Variants in PDE10A observed in about 807,000 individuals in gnomAD.
PDE10A encodes the protein cAMP and cAMP-inhibited cGMP 3',5'-cyclic phosphodiesterase 10A.
In PDE10A, 39 loss-of-function variants were observed where a neutral mutation model predicts 97.7. The observed-to-expected ratio is 0.40, with a 90% CI of 0.31 to 0.52. The LOEUF is 0.52. Ranked by LOEUF, PDE10A falls within the 20% of genes least tolerant of loss-of-function variation. The pLI is 0.56. For missense variants in PDE10A, 731 were observed against 1,047.8 expected (o/e 0.70, Z 4.17); for synonymous variants, 371 against 376.8 (o/e 0.98, Z 0.18).
At chr6:165,677,626 A>G (rs1203104072) in intron 1 of PDE10A, among the ~76,000 whole-genome samples, 5 of 152,234 alleles carry the variant, frequency 3.3e-5, no homozygotes, top group Non-Finnish European at 7.3e-5. Context: ...GAGGATGTGC[A>G]TAGGTTACAT....
At chr6:165,856,976 C>A (rs960486446) in intron 1 of PDE10A, among the ~76,000 whole-genome samples, 43 of 152,254 alleles carry the variant, frequency 2.8e-4, no homozygotes, top group African/African-American at 9.9e-4. Flanking sequence ...AATAAATTAC[C>A]CAGCTGAAAG....
intron 6 of PDE10A, among the ~76,000 whole-genome samples, chr6:165,433,666 G>T (rs1296485873): frequency 6.6e-6 from 1 of 152,098 alleles, no homozygotes. Flanking sequence ...CTTATCATAA[G>T]AAATGAAATT....
At position 165,671,481 on chromosome 6, in the gene PDE10A, G is replaced by A. The variant is rs1400190420; in HGVS notation, c.-614-127913C>T. On this transcript the variant is annotated intron_variant, in intron 1 of 19. Transcript: ENST00000366882. This position sits in a 1 kb window ranked among gnomAD's most constrained non-coding sequence, Gnocchi z 4.6. ...AGGATTGAGGTCCACCCAGGAAGAG[G>A]AAGCCAGCTGCTCATGCTGCCACCT... Among the ~76,000 whole-genome samples the A allele has an allele frequency of 1.3e-5, 2 of 152,114 alleles. No homozygotes were observed. Among genetic ancestry groups the A allele is most frequent in the Admixed American group, 1.3e-4 (2 of 15,274 alleles).
At chr6:165,564,831 TTAAC>T (rs1784696657) in intron 1 of PDE10A, among the ~76,000 whole-genome samples, 1 of 152,168 alleles carries the variant, frequency 6.6e-6, no homozygotes, top group African/African-American at 2.4e-5. Context: ...AAGTGAGAAG[TTAAC>T]TAACTATTCC....
intron 18 of PDE10A, among the ~76,000 whole-genome samples, chr6:165,376,218 T>C (rs1003581372): frequency 2.6e-5 from 4 of 152,222 alleles, no homozygotes; most frequent in Non-Finnish European, 1.5e-5. Context: ...AGAACATTCA[T>C]GATTCACAGG....
chr6:165,820,561 C>G (rs1779539584), intron 1 of PDE10A, among the ~76,000 whole-genome samples: 1 of 152,278 alleles, frequency 6.6e-6, no homozygotes, highest in Middle Eastern at 3.4e-3. Flanking sequence ...CTTAGCACAT[C>G]CTGGAAAGAA....
intron 1 of PDE10A, among the ~76,000 whole-genome samples, chr6:165,967,968 C>A (rs1388025016): frequency 2.0e-5 from 3 of 152,176 alleles, no homozygotes; most frequent in African/African-American, 4.8e-5. Context: ...ATTAAACACA[C>A]ACAGAGCAGC....
intron 1 of PDE10A, among the ~76,000 whole-genome samples, chr6:165,617,300 G>A (rs562950764): frequency 1.8e-4 from 27 of 152,254 alleles, no homozygotes; most frequent in African/African-American, 6.3e-4. Context: ...ACCGCTTTAC[G>A]CATTGCATCT....
rs1051889244 is a variant in PDE10A at position 165,671,204 on chromosome 6, T to C, written c.-614-127636A>G. Among the ~76,000 whole-genome samples the C allele has an allele frequency of 6.6e-6, 1 of 152,186 alleles. No individual in the cohort carries two copies. Among genetic ancestry groups the C allele is most frequent in the Admixed American group, 6.5e-5 (1 of 15,278 alleles). On this transcript the variant is annotated intron_variant, in intron 1 of 19. Coordinates refer to the PDE10A transcript ENST00000366882. The surrounding 1 kb of genome is among the most constrained non-coding windows in gnomAD (Gnocchi z 4.6). The stretch of plus-strand genomic sequence containing the variant: ...CAAATTCCCAAAGTCTACTTGTTTT[T>C]GTAAATGTCATCTGGTGATAGGCTA...
intron 21 of PDE10A, among the ~76,000 whole-genome samples, chr6:165,334,440 T>G (rs998350860): frequency 6.7e-6 from 1 of 148,312 alleles, no homozygotes; most frequent in African/African-American, 2.5e-5. Flanking sequence ...TATAGCGCCC[T>G]ACAGCGCCGG....
intron 2 of PDE10A, among the ~76,000 whole-genome samples, chr6:165,498,270 C>A (rs187198172): frequency 6.6e-6 from 1 of 150,620 alleles, no homozygotes; most frequent in South Asian, 2.1e-4. Context: ...AATAGCCAGG[C>A]GCAGTGGCAT....
chr6:165,471,170 T>C (rs1489408740), intron 3 of PDE10A, among the ~76,000 whole-genome samples: 1 of 152,304 alleles, frequency 6.6e-6, no homozygotes, highest in South Asian at 2.1e-4. Context: ...TTTGACATAG[T>C]TGATTGCTCT....
intron 1 of PDE10A, among the ~76,000 whole-genome samples, chr6:165,560,342 T>C (rs1345552859): frequency 6.6e-6 from 1 of 152,194 alleles, no homozygotes; most frequent in Non-Finnish European, 1.5e-5. Flanking sequence ...GGACCTTCAG[T>C]CCTACAACTA....
At chr6:165,925,003 G>A (rs1332925274) in intron 1 of PDE10A, among the ~76,000 whole-genome samples, 1 of 147,276 alleles carries the variant, frequency 6.8e-6, no homozygotes, top group Admixed American at 7.0e-5. Context: ...GGGAAATGTT[G>A]GCACACCTCA....
intron 1 of PDE10A, among the ~76,000 whole-genome samples, chr6:165,846,058 C>A (rs1031357643): frequency 6.6e-6 from 1 of 152,222 alleles, no homozygotes; most frequent in South Asian, 2.1e-4. Context: ...TTACAGAATG[C>A]ATGACAGCCT....
chr6:165,946,815 G>A (rs1226794059), intron 1 of PDE10A: 1 of 152,092 alleles, frequency 6.6e-6, no homozygotes, highest in Non-Finnish European at 1.5e-5. Context: ...ATTAGTGCAG[G>A]AAACACATTA....
At chr6:165,613,285 A>G (rs1296131081) in intron 1 of PDE10A, among the ~76,000 whole-genome samples, 1 of 152,160 alleles carries the variant, frequency 6.6e-6, no homozygotes, top group Non-Finnish European at 1.5e-5. Context: ...ATACTTGATG[A>G]TAATCAAGAA....
chr6:165,725,833 C>A (rs1469303369), intron 1 of PDE10A, among the ~76,000 whole-genome samples: 1 of 152,174 alleles, frequency 6.6e-6, no homozygotes, highest in Non-Finnish European at 1.5e-5. Context: ...ACGTATCCAA[C>A]TTGTCCTCCC....
At chr6:165,421,429 C>T (rs1251749508) in intron 10 of PDE10A, among the ~76,000 whole-genome samples, 1 of 151,680 alleles carries the variant, frequency 6.6e-6, no homozygotes, top group Non-Finnish European at 1.5e-5. Context: ...GGCGACAGAG[C>T]AAGACCCCGT....
Sources: allele counts gnomAD v4.1 joint callset (sites outside exome capture counted in the v4.1 genomes callset), GRCh38; gene constraint gnomAD v4.1.1; non-coding constraint Gnocchi (gnomAD v3.1); transcripts MANE v1.5; gene names NCBI Gene and HGNC (gene_info 2026-07-23, HGNC 2026-07-21).